The following LRRTM4 variants were observed in gnomAD, a reference collection of about 807,000 sequenced individuals.
LRRTM4 encodes leucine-rich repeat transmembrane neuronal protein 4.
A neutral mutation model predicts 47.6 loss-of-function variants in LRRTM4; 25 were observed. The ratio of observed to expected loss-of-function variants is 0.53; its 90% CI spans 0.38 to 0.73. The LOEUF (loss-of-function observed/expected upper bound fraction) is 0.73. LRRTM4 is among the 30% of genes least tolerant of loss of function. LRRTM4 has a pLI of 0.00. For synonymous variants in LRRTM4, 311 were observed against 269.5 expected (o/e 1.15, Z -1.51); for missense variants, 638 against 713.4 (o/e 0.89, Z 1.20).
At chr2:77,220,088 G>A (rs577903426) in intron 3 of LRRTM4, among the ~76,000 whole-genome samples, 1 of 152,240 alleles carries the variant, frequency 6.6e-6, no homozygotes, top group African/African-American at 2.4e-5. Flanking sequence ...TGATACCCAG[G>A]CAAACAGGGT....
chr2:77,468,519 T>C lies in LRRTM4; in HGVS notation c.1551+49799A>G, dbSNP rs56240923. ...TTCAAGTACTGGAAATCTTCAAATATTGAAGTATCTGGGCGTCAAGTCCCC... is the reference window on the plus strand; with the variant it reads ...TTCAAGTACTGGAAATCTTCAAATACTGAAGTATCTGGGCGTCAAGTCCCC... On this transcript the variant is annotated intron_variant, in intron 3 of 3. Coordinates refer to ENST00000409884, the MANE Select transcript of LRRTM4 (RefSeq NM_001134745.3). 1.7e-3 allele frequency among the ~76,000 whole-genome samples: 261 copies of C among 152,334 alleles called. 1 individual carries two copies. Among genetic ancestry groups the C allele is most frequent in the African/African-American group, 6.1e-3 (253 of 41,588 alleles).
intron 3 of LRRTM4, among the ~76,000 whole-genome samples, chr2:77,052,550 A>G (rs1047216028): frequency 2.0e-5 from 3 of 152,060 alleles, no homozygotes; most frequent in African/African-American, 7.2e-5. Flanking sequence ...AATAAGTTAA[A>G]GTCTCCTCCC....
intron 3 of LRRTM4, among the ~76,000 whole-genome samples, chr2:76,751,561 C>T (rs200995429): frequency 6.6e-6 from 1 of 152,084 alleles, no homozygotes; most frequent in East Asian, 1.9e-4. Flanking sequence ...TTACTAGATA[C>T]TAAATAAAAG....
At chr2:77,089,668 C>A (rs1488153655) in intron 3 of LRRTM4, among the ~76,000 whole-genome samples, 2 of 152,046 alleles carry the variant, frequency 1.3e-5, no homozygotes, top group Non-Finnish European at 2.9e-5. Context: ...TCCTTCTACT[C>A]CCCTGGCCTG....
At chr2:77,090,548 A>G (rs184549596) in intron 3 of LRRTM4, among the ~76,000 whole-genome samples, 63 of 152,246 alleles carry the variant, frequency 4.1e-4, no homozygotes, top group Middle Eastern at 3.4e-3. Flanking sequence ...TCCCTCCACT[A>G]TGAGACAAAC....
chr2:76,901,467 T>A (rs746541576), intron 3 of LRRTM4, among the ~76,000 whole-genome samples: 1 of 151,612 alleles, frequency 6.6e-6, no homozygotes, highest in Non-Finnish European at 1.5e-5. Context: ...ATGGGACCAC[T>A]GTGACTTAGA....
At chr2:76,971,515 G>A (rs541281029) in intron 3 of LRRTM4, among the ~76,000 whole-genome samples, 2 of 152,136 alleles carry the variant, frequency 1.3e-5, no homozygotes, top group South Asian at 4.1e-4. Flanking sequence ...CTGGCATCAG[G>A]GGTGTCTGTC....
intron 3 of LRRTM4, among the ~76,000 whole-genome samples, chr2:77,257,311 A>G (rs565620637): frequency 8.6e-5 from 13 of 150,902 alleles, no homozygotes; most frequent in African/African-American, 2.7e-4. Context: ...ATCATCTACA[A>G]AAAAAAAACC....
intron 3 of LRRTM4, among the ~76,000 whole-genome samples, chr2:77,172,529 G>A (rs1473306612): frequency 3.9e-5 from 6 of 152,194 alleles, no homozygotes; most frequent in African/African-American, 1.2e-4. Context: ...GTGAGGTGGA[G>A]GTTGCAGTGA....
At chr2:77,344,319 G>T (rs746329538) in intron 3 of LRRTM4, among the ~76,000 whole-genome samples, 1 of 151,690 alleles carries the variant, frequency 6.6e-6, no homozygotes, top group Non-Finnish European at 1.5e-5. Flanking sequence ...TGATGCTTTA[G>T]GAAGAAGGGT....
chr2:77,452,515 A>T (rs1349502855), intron 3 of LRRTM4, among the ~76,000 whole-genome samples: 1 of 152,232 alleles, frequency 6.6e-6, no homozygotes, highest in Non-Finnish European at 1.5e-5. Context: ...AAAATAGAGC[A>T]AAATTATTTC....
chr2:77,411,305 C>G (rs961940171), intron 3 of LRRTM4, among the ~76,000 whole-genome samples: 1 of 152,126 alleles, frequency 6.6e-6, no homozygotes, highest in African/African-American at 2.4e-5. Context: ...ATTCAAGTCA[C>G]TCTTTCTTAC....
chr2:77,299,923 C>T, intron 3 of LRRTM4, among the ~76,000 whole-genome samples: 1 of 145,784 alleles, frequency 6.9e-6, no homozygotes, highest in East Asian at 2.0e-4. Flanking sequence ...GCAATCTCGG[C>T]TCACTGCAAC....
intron 3 of LRRTM4, among the ~76,000 whole-genome samples, chr2:77,313,107 G>A (rs576728074): frequency 6.6e-6 from 1 of 152,102 alleles, no homozygotes; most frequent in South Asian, 2.1e-4. Flanking sequence ...AAAACAGCCT[G>A]CTGGGACCTC....
chr2:77,111,510 T>G (rs550458676), intron 3 of LRRTM4, among the ~76,000 whole-genome samples: 10 of 152,046 alleles, frequency 6.6e-5, no homozygotes, highest in South Asian at 6.2e-4. Context: ...AAATAAAAGA[T>G]TCCAGAAATA....
intron 3 of LRRTM4, among the ~76,000 whole-genome samples, chr2:77,023,140 G>T (rs918543029): frequency 6.6e-6 from 1 of 152,248 alleles, no homozygotes; most frequent in Non-Finnish European, 1.5e-5. Flanking sequence ...GCCAGGGCTT[G>T]GGGTTTGCAC....
At chr2:76,857,432 TTA>T (rs561603001) in intron 3 of LRRTM4, among the ~76,000 whole-genome samples, 107 of 151,768 alleles carry the variant, frequency 7.1e-4, no homozygotes, top group Admixed American at 1.2e-3. Flanking sequence ...ACTGATTATG[TTA>T]TCAGTAAGGC....
At chr2:76,983,575 G>A (rs1676687902) in intron 3 of LRRTM4, among the ~76,000 whole-genome samples, 1 of 152,050 alleles carries the variant, frequency 6.6e-6, no homozygotes, top group Non-Finnish European at 1.5e-5. Flanking sequence ...GTGAAACTGT[G>A]AGTCCATTAA....
At chr2:76,811,342 A>G (rs78849473) in intron 3 of LRRTM4, among the ~76,000 whole-genome samples, 4,152 of 152,272 alleles carry the variant, frequency 0.027, 188 homozygotes, top group African/African-American at 0.081. Flanking sequence ...TGTAGTTGCT[A>G]CAAAGCAGCT....
Sources: gnomAD v4.1 joint callset for allele counts (sites outside exome capture counted in the v4.1 genomes callset) on GRCh38, gnomAD v4.1.1 for gene constraint, MANE v1.5 for transcripts, NCBI Gene and HGNC (gene_info 2026-07-23, HGNC 2026-07-21) for gene names.